Variants in KSR1 observed in about 807,000 individuals in gnomAD.
KSR1 encodes kinase suppressor of ras 1, also known as kinase suppressor of ras.
Under a neutral mutation model 92.9 loss-of-function variants are expected in KSR1, and 35 were observed. The observed-to-expected ratio is 0.38, with a 90% CI of 0.29 to 0.50. The LOEUF (loss-of-function observed/expected upper bound fraction) is 0.50, where lower values mean the gene tolerates loss of function less well. Ranked by LOEUF, KSR1 falls within the 20% of genes least tolerant of loss-of-function variation. The pLI is 0.94. For synonymous variants in KSR1, 467 were observed against 472.6 expected (o/e 0.99, Z 0.15); for missense variants, 972 against 1,158.5 (o/e 0.84, Z 2.34).
intron 1 of KSR1, among the ~76,000 whole-genome samples, chr17:27,470,234 G>GT (rs2019918677): frequency 7.5e-6 from 1 of 133,856 alleles, no homozygotes; most frequent in Non-Finnish European, 1.6e-5. Context: ...TTTTGTTTTT[G>GT]TTTGTGTTTT....
At chr17:27,588,847 G>A (rs1469688540) in intron 6 of KSR1, among the ~76,000 whole-genome samples, 1 of 152,164 alleles carries the variant, frequency 6.6e-6, no homozygotes, top group Non-Finnish European at 1.5e-5. Flanking sequence ...AGTCACAGGA[G>A]CTTCCCTACA....
intron 1 of KSR1, among the ~76,000 whole-genome samples, chr17:27,544,418 A>G (rs1466739405): frequency 6.6e-6 from 1 of 152,168 alleles, no homozygotes; most frequent in African/African-American, 2.4e-5. Context: ...AAGATCTTTG[A>G]TTTTAGATGT....
At chr17:27,463,382 C>T (rs2019540415) in intron 1 of KSR1, among the ~76,000 whole-genome samples, 1 of 151,728 alleles carries the variant, frequency 6.6e-6, no homozygotes, top group South Asian at 2.1e-4. Context: ...GTGGCACGCT[C>T]CTGTAGTTCT....
chr17:27,560,312 A>C, intron 2 of KSR1: 1 of 383,056 alleles, frequency 2.6e-6, no homozygotes, highest in South Asian at 2.0e-5. Context: ...AAGTTGTTGA[A>C]AGGAAGTGGC....
intron 19 of KSR1, among the ~76,000 whole-genome samples, chr17:27,619,815 C>T (rs112305547): frequency 0.2 from 30,844 of 152,028 alleles, 3,322 homozygotes; most frequent in Admixed American, 0.28. Context: ...CGGGTTCAAG[C>T]GATTCTCATG....
chr17:27,471,722 G>A (rs1222756119), intron 1 of KSR1, among the ~76,000 whole-genome samples: 2 of 152,194 alleles, frequency 1.3e-5, no homozygotes, highest in Non-Finnish European at 2.9e-5. Context: ...TTTCGTGCCA[G>A]GCACTGTTCT....
intron 1 of KSR1, among the ~76,000 whole-genome samples, chr17:27,529,428 A>G (rs753302305): frequency 1.3e-5 from 2 of 152,334 alleles, no homozygotes; most frequent in African/African-American, 4.8e-5. Context: ...ATAAATTCCT[A>G]GAAGTGGAGT....
At chr17:27,518,415 C>G (rs1172837884) in intron 1 of KSR1, among the ~76,000 whole-genome samples, 1 of 152,176 alleles carries the variant, frequency 6.6e-6, no homozygotes, top group Non-Finnish European at 1.5e-5. Flanking sequence ...TCGAAAGCAT[C>G]CTATAGTTTT....
intron 19 of KSR1, among the ~76,000 whole-genome samples, chr17:27,619,077 A>G (rs551493500): frequency 7.2e-5 from 11 of 152,148 alleles, no homozygotes; most frequent in Non-Finnish European, 1.6e-4. Flanking sequence ...CATAAAGTGG[A>G]GCTGCTCTTG....
intron 1 of KSR1, among the ~76,000 whole-genome samples, chr17:27,530,911 C>G (rs1030936454): frequency 6.6e-6 from 1 of 152,146 alleles, no homozygotes; most frequent in Non-Finnish European, 1.5e-5. Context: ...AAAAAACTTC[C>G]TATGTTTTTG....
chr17:27,560,253 C>T (rs2071771823), intron 2 of KSR1: 1 of 378,458 alleles, frequency 2.6e-6, no homozygotes, highest in African/African-American at 2.1e-5. Context: ...GATTTCAGAG[C>T]CTGCTGGCAT....
chr17:27,580,182 T>C (rs779727872), intron 3 of KSR1, among the ~76,000 whole-genome samples: 3 of 152,152 alleles, frequency 2.0e-5, no homozygotes, highest in Non-Finnish European at 4.4e-5. Flanking sequence ...TTGCTCCCTT[T>C]GGTAGCAGGC....
At chr17:27,507,306 G>A (rs145489749) in intron 1 of KSR1, among the ~76,000 whole-genome samples, 44 of 152,056 alleles carry the variant, frequency 2.9e-4, no homozygotes, top group African/African-American at 1.0e-3. Context: ...GGTGGCAGGG[G>A]CCTGTAATCC....
chr17:27,555,144 A>G (rs1488721551), intron 2 of KSR1, among the ~76,000 whole-genome samples: 1 of 152,146 alleles, frequency 6.6e-6, no homozygotes, highest in African/African-American at 2.4e-5. Flanking sequence ...CTGCTCTGTG[A>G]CAGTTTCTCA....
chr17:27,620,126 T>A (rs1286360500), intron 19 of KSR1, among the ~76,000 whole-genome samples: 2 of 152,194 alleles, frequency 1.3e-5, no homozygotes, highest in African/African-American at 4.8e-5. Context: ...TCAGGCCAGG[T>A]AGAGGGATGG....
chr17:27,533,676 C>T (rs1004755962), intron 1 of KSR1, among the ~76,000 whole-genome samples: 17 of 152,242 alleles, frequency 1.1e-4, no homozygotes, highest in Admixed American at 4.6e-4. Context: ...GCCCCCGCAC[C>T]CAGCCGCAAC....
chr17:27,544,019 A>C (rs1397655242), intron 1 of KSR1, among the ~76,000 whole-genome samples: 7 of 152,192 alleles, frequency 4.6e-5, no homozygotes, highest in South Asian at 2.1e-4. Context: ...CCTGAGAAGA[A>C]CACCACCCAC....
intron 14 of KSR1, among the ~76,000 whole-genome samples, chr17:27,607,141 A>G (rs1423311321): frequency 6.6e-6 from 1 of 152,208 alleles, no homozygotes; most frequent in African/African-American, 2.4e-5. Flanking sequence ...CTGAAACAGG[A>G]AAATATTCAT....
intron 1 of KSR1, among the ~76,000 whole-genome samples, chr17:27,507,324 T>TG (rs2069421997): frequency 6.6e-6 from 1 of 151,862 alleles, no homozygotes; most frequent in South Asian, 2.1e-4. Context: ...TCCCAGCTAC[T>TG]GGGGAGGCTG....
Sources: gnomAD v4.1 joint callset for allele counts (sites outside exome capture counted in the v4.1 genomes callset) on GRCh38, gnomAD v4.1.1 for gene constraint, MANE v1.5 for transcripts, NCBI Gene and HGNC (gene_info 2026-07-23, HGNC 2026-07-21) for gene names.